GTF2IRD1: variants seen among roughly 807,000 people sequenced by gnomAD.
GTF2IRD1 encodes the protein GTF2I repeat domain containing 1.
GTF2IRD1 carries 26 observed loss-of-function variants against 113.2 expected under a neutral mutation model. The ratio of observed to expected loss-of-function variants is 0.23; its 90% CI spans 0.17 to 0.32. GTF2IRD1 has a LOEUF of 0.32. Ranked by LOEUF, GTF2IRD1 falls within the 10% of genes least tolerant of loss-of-function variation. The pLI, the probability that GTF2IRD1 is intolerant of heterozygous loss-of-function variation, is 1.00. For synonymous variants in GTF2IRD1, 484 were observed against 529.1 expected (o/e 0.91, Z 1.17); for missense variants, 864 against 1,280.8 (o/e 0.67, Z 4.97).
chr7:74,595,193 G>C (rs587648499), intron 25 of GTF2IRD1, 142 bp downstream of exon 25: 17 of 507,578 alleles, frequency 3.3e-5, no homozygotes, highest in South Asian at 2.8e-4. Context: ...ATCACTTGAG[G>C]TCAGGAGTTC....
chr7:74,536,191 C>T lies in GTF2IRD1; in HGVS notation c.1325C>T (p.Thr442Met), dbSNP rs377651134. The T allele has an allele frequency of 1.8e-4, 292 of 1,613,406 alleles. No homozygotes were observed. Among genetic ancestry groups the T allele is most frequent in the Non-Finnish European group, 2.2e-4 (263 of 1,179,396 alleles). Residue 442 changes from threonine (T) to methionine (M), a missense_variant, in exon 11 of 27, where the codon ACG becomes ATG. By Grantham distance (81) the Thr-to-Met change is moderately conservative. Around this residue, in one of 7 missense-constraint regions of GTF2IRD1, gnomAD observed 218 missense variants for 352.6 expected, o/e 0.62. Transcript: ENST00000424337. ...FTGNKFTKDT[T>M]KLEPASPPED... ...GGGAACAAGTTTACCAAAGACACCA[C>T]GAAGCTGGAGCCAGCCAGCCCGCCA...
chr7:74,475,263 AAAAG>A (rs1255895037), intron 1 of GTF2IRD1, among the ~76,000 whole-genome samples: 12 of 152,314 alleles, frequency 7.9e-5, no homozygotes, highest in South Asian at 4.1e-4. Context: ...GTCTCTTAAA[AAAAG>A]AAAGAAAGAA....
At chr7:74,575,299 C>G (rs1243607832) in intron 22 of GTF2IRD1, among the ~76,000 whole-genome samples, 1 of 152,136 alleles carries the variant, frequency 6.6e-6, no homozygotes, top group Non-Finnish European at 1.5e-5. Context: ...GCAGAGAGAA[C>G]AGCAGCTGCA....
At chr7:74,597,713 C>T (rs782011111) in intron 25 of GTF2IRD1, among the ~76,000 whole-genome samples, 2 of 152,208 alleles carry the variant, frequency 1.3e-5, no homozygotes, top group Non-Finnish European at 2.9e-5. Context: ...TCTTACCCCA[C>T]CTCATTGTAC....
intron 9 of GTF2IRD1, among the ~76,000 whole-genome samples, chr7:74,533,287 A>T (rs1346332298): frequency 1.3e-5 from 2 of 151,912 alleles, no homozygotes; most frequent in African/African-American, 4.8e-5. Context: ...GGCATGCACC[A>T]CCACACCTGG....
intron 1 of GTF2IRD1, chr7:74,506,338 G>A (rs1163054608): frequency 1.3e-5 from 2 of 152,226 alleles, no homozygotes; most frequent in African/African-American, 4.8e-5. Context: ...AGGCAGACCT[G>A]GTTTCTGCCC....
At chr7:74,539,045 T>C (rs1161919485) in intron 13 of GTF2IRD1, among the ~76,000 whole-genome samples, 2 of 152,128 alleles carry the variant, frequency 1.3e-5, no homozygotes, top group African/African-American at 4.8e-5. Flanking sequence ...GCCATGGGTG[T>C]GAGAGGCTCT....
At chr7:74,509,167 G>A (rs1796475168) in intron 2 of GTF2IRD1, among the ~76,000 whole-genome samples, 1 of 152,028 alleles carries the variant, frequency 6.6e-6, no homozygotes, top group African/African-American at 2.4e-5. Flanking sequence ...GACCAGCCTG[G>A]CCAACATGGC....
At chr7:74,528,734 G>A (rs13220999) in intron 8 of GTF2IRD1, among the ~76,000 whole-genome samples, 1 of 141,352 alleles carries the variant, frequency 7.1e-6, no homozygotes, top group Non-Finnish European at 1.6e-5. Context: ...TGGATGGATG[G>A]ATGGATGGAT....
intron 1 of GTF2IRD1, among the ~76,000 whole-genome samples, chr7:74,491,443 C>G (rs1795339009): frequency 6.6e-6 from 1 of 150,772 alleles, no homozygotes; most frequent in Non-Finnish European, 1.5e-5. Context: ...AGCCCAGTAC[C>G]CAATAGTTAT....
At position 74,513,025 on chromosome 7, in the gene GTF2IRD1, G is replaced by A. The variant is rs559491469; in HGVS notation, c.265+54G>A. 1.9e-4 allele frequency: 303 copies of A among 1,566,700 alleles called. No homozygotes were observed. In the Middle Eastern group the frequency reaches 3.7e-3, roughly 19 times the overall value. On this transcript the variant is annotated intron_variant, in intron 3 of 26. Coordinates refer to ENST00000424337, the MANE Select transcript of GTF2IRD1 (RefSeq NM_005685.4). ...GGCCCGCCATTTCCCGAGGGCAGGC[G>A]CTCTAGCCCATCTCTGGGTCCCCAA...
chr7:74,462,487 A>G (rs1793435636), intron 1 of GTF2IRD1, among the ~76,000 whole-genome samples: 1 of 152,192 alleles, frequency 6.6e-6, no homozygotes, highest in South Asian at 2.1e-4. Context: ...CATTTACGGC[A>G]TTGCTGGGTA....
At chr7:74,561,220 A>T (rs71539245) in intron 22 of GTF2IRD1, among the ~76,000 whole-genome samples, 1 of 151,840 alleles carries the variant, frequency 6.6e-6, no homozygotes, top group Admixed American at 6.6e-5. Flanking sequence ...GTGGTGGCGC[A>T]CACCTGTAAT....
In GTF2IRD1 at chr7:74,575,069, A is replaced by G. The variant is rs587656792; in HGVS notation, c.2321-14782A>G. 4.2e-4 allele frequency among the ~76,000 whole-genome samples: 63 copies of G among 150,302 alleles called. No homozygotes were observed. In the South Asian group the frequency reaches 0.013, roughly 30 times the overall value. On this transcript the variant is annotated intron_variant, in intron 22 of 26. Coordinates refer to ENST00000424337, the MANE Select transcript of GTF2IRD1 (RefSeq NM_005685.4). ...TGCGCCATTGCGCTCCAGCTTGGGCAACAAGAGCGAAACTCCGTCTCAAAA... is the reference window on the plus strand; with the variant it reads ...TGCGCCATTGCGCTCCAGCTTGGGCGACAAGAGCGAAACTCCGTCTCAAAA...
chr7:74,497,413 A>G (rs540467750), intron 1 of GTF2IRD1, among the ~76,000 whole-genome samples: 5 of 152,020 alleles, frequency 3.3e-5, no homozygotes, highest in African/African-American at 1.2e-4. Flanking sequence ...ACAGGTGTGC[A>G]CCACCACACC....
chr7:74,556,979 G>A (rs1398414765), intron 19 of GTF2IRD1, among the ~76,000 whole-genome samples: 1 of 152,018 alleles, frequency 6.6e-6, no homozygotes, highest in East Asian at 1.9e-4. Context: ...GGTGGCTCAT[G>A]CCTGTAATCC....
At chr7:74,531,818 T>C (rs587705238) in intron 9 of GTF2IRD1, among the ~76,000 whole-genome samples, 10 of 152,236 alleles carry the variant, frequency 6.6e-5, no homozygotes, top group African/African-American at 2.4e-4. Context: ...AAGTGCTTTC[T>C]ACAAGGCCTG....
At chr7:74,500,305 G>A (rs1795957853) in intron 1 of GTF2IRD1, among the ~76,000 whole-genome samples, 1 of 152,080 alleles carries the variant, frequency 6.6e-6, no homozygotes, top group Non-Finnish European at 1.5e-5. Flanking sequence ...TAGGCCTAAC[G>A]TGGTGGCTCT....
In GTF2IRD1 at chr7:74,454,042, G is replaced by C. The variant is rs1416051358; in HGVS notation, c.-141G>C. The C allele has an allele frequency of 1.3e-5, 2 of 149,110 alleles. No homozygotes were observed. Among genetic ancestry groups the C allele is most frequent in the Non-Finnish European group, 3.0e-5 (2 of 66,968 alleles). The allele number at this position is 149,110 out of a possible 1,614,324, so 9.2% of individuals were successfully genotyped here. On this transcript the variant is annotated 5_prime_UTR_variant, in exon 1 of 27. Transcript: ENST00000424337. ...CCTCCCTCCCCGCCCTCGCCGCGCC[G>C]CCGTCCTCGCCTCCCTCTGCCTCTC...
Sources: gnomAD v4.1 joint callset for allele counts (sites outside exome capture counted in the v4.1 genomes callset) on GRCh38, gnomAD v4.1.1 for gene constraint, gnomAD v4.1.1 regional missense constraint, MANE v1.5 for transcripts, NCBI Gene and HGNC (gene_info 2026-07-23, HGNC 2026-07-21) for gene names.